Variants in WWOX observed in about 807,000 individuals in gnomAD.
WWOX encodes the protein WW domain-containing oxidoreductase.
WWOX carries 69 observed loss-of-function variants against 46.2 expected under a neutral mutation model. The observed-to-expected ratio is 1.49, with a 90% CI of 1.23 to 1.82. The LOEUF (loss-of-function observed/expected upper bound fraction) is 1.82, where lower values mean the gene tolerates loss of function less well. Among genes scored for constraint, WWOX ranks in the 40% most tolerant of loss-of-function variants. The probability of loss-of-function intolerance (pLI) is 0.00; values close to 1 mark genes in which losing one functional copy is unlikely to be tolerated. For synonymous variants in WWOX, 359 were observed against 202.6 expected, an observed-to-expected ratio of 1.77 and a Z score of -6.56; for missense variants, 919 against 542.6, an observed-to-expected ratio of 1.69 and a Z score of -6.89.
At chr16:78,617,994 T>G (rs1359616032) in intron 8 of WWOX, among the ~76,000 whole-genome samples, 1 of 152,204 alleles carries the variant, frequency 6.6e-6, no homozygotes, top group Admixed American at 6.5e-5. Context: ...TGTTAACAAT[T>G]AGTGTTTATT....
chr16:78,473,472 G>A lies in WWOX; in HGVS notation c.1056+40720G>A, dbSNP rs532691542. Among the ~76,000 whole-genome samples, 5 of 152,264 alleles carry A rather than the reference G, an allele frequency of 3.3e-5. No individual in the cohort carries two copies. The East Asian group carries it at 5.8e-4, about 18-fold the overall frequency. On this transcript the variant is annotated intron_variant, in intron 8 of 8. Coordinates refer to ENST00000566780, the MANE Select transcript of WWOX (RefSeq NM_016373.4). Reference sequence around the variant, plus strand: ...ACAAGGGAAGAGTTAACTGATTGCAGCAGGTTAGAGCACAGCATGAAGAGC... The same window carrying A: ...ACAAGGGAAGAGTTAACTGATTGCAACAGGTTAGAGCACAGCATGAAGAGC...
At chr16:78,674,609 A>AT (rs1004467788) in intron 8 of WWOX, among the ~76,000 whole-genome samples, 5 of 151,816 alleles carry the variant, frequency 3.3e-5, no homozygotes, top group African/African-American at 1.2e-4. Context: ...TACTCTTATT[A>AT]TTTTCTCCTA....
intron 8 of WWOX, among the ~76,000 whole-genome samples, chr16:78,494,928 T>C (rs572646268): frequency 3.3e-5 from 5 of 152,132 alleles, no homozygotes; most frequent in Non-Finnish European, 7.3e-5. Flanking sequence ...TATTTCCTCT[T>C]TCGGTACTTT....
At chr16:78,960,589 G>C (rs1228603238) in intron 8 of WWOX, among the ~76,000 whole-genome samples, 1 of 152,200 alleles carries the variant, frequency 6.6e-6, no homozygotes, top group Non-Finnish European at 1.5e-5. Context: ...GTCAGGCATG[G>C]AACAGATCCA....
chr16:78,359,291 A>G (rs755101875), intron 5 of WWOX, among the ~76,000 whole-genome samples: 10 of 152,196 alleles, frequency 6.6e-5, no homozygotes, highest in Non-Finnish European at 1.3e-4. Flanking sequence ...AGTTTTAAAT[A>G]AGTTTTGAAC....
At chr16:78,631,868 T>C (rs2046440014) in intron 8 of WWOX, among the ~76,000 whole-genome samples, 1 of 152,200 alleles carries the variant, frequency 6.6e-6, no homozygotes, top group Non-Finnish European at 1.5e-5. Flanking sequence ...AGAAGCTTGC[T>C]CTCTTTTTAT....
chr16:78,575,019 ATAAATATATATATATATATATAT>A (rs2044822481), intron 8 of WWOX, among the ~76,000 whole-genome samples: 1 of 12,784 alleles, frequency 7.8e-5, no homozygotes, highest in African/African-American at 5.5e-4. Context: ...ATATATATAT[ATAAATATATATATATATATATAT>A]ATATATATAT....
chr16:78,881,289 C>T (rs796273216), intron 8 of WWOX, among the ~76,000 whole-genome samples: 3 of 152,294 alleles, frequency 2.0e-5, no homozygotes, highest in African/African-American at 7.2e-5. Flanking sequence ...CAGGCATGAG[C>T]CACTGTGCCT....
At chr16:79,071,752 G>A (rs771734943) in intron 8 of WWOX, among the ~76,000 whole-genome samples, 3 of 152,210 alleles carry the variant, frequency 2.0e-5, no homozygotes, top group African/African-American at 7.2e-5. Context: ...TAATTGATCT[G>A]TTGGCCTAAA....
chr16:78,373,042 T>C (rs936889186), intron 5 of WWOX, among the ~76,000 whole-genome samples: 1 of 152,212 alleles, frequency 6.6e-6, no homozygotes. Context: ...CAATTGACTT[T>C]TTCAACTCTG....
At chr16:79,061,868 G>A (rs1253892842) in intron 8 of WWOX, among the ~76,000 whole-genome samples, 2 of 152,138 alleles carry the variant, frequency 1.3e-5, no homozygotes, top group Non-Finnish European at 2.9e-5. Context: ...AGCCTTACTT[G>A]GTAGACACTA....
intron 8 of WWOX, among the ~76,000 whole-genome samples, chr16:78,861,153 CCTCT>C (rs1401776048): frequency 2.0e-5 from 3 of 152,032 alleles, no homozygotes; most frequent in African/African-American, 7.3e-5. Flanking sequence ...GCCTTTCCTC[CCTCT>C]CTCTCTTTCT....
intron 5 of WWOX, among the ~76,000 whole-genome samples, chr16:78,357,600 T>C (rs8054349): frequency 0.09 from 13,681 of 152,256 alleles, 905 homozygotes; most frequent in African/African-American, 0.19. Context: ...TATTCTATGC[T>C]AAACATTTCC....
At chr16:79,156,104 T>A (rs2050376462) in intron 8 of WWOX, among the ~76,000 whole-genome samples, 1 of 152,178 alleles carries the variant, frequency 6.6e-6, no homozygotes, top group South Asian at 2.1e-4. Flanking sequence ...TCACTACTCA[T>A]AGGCCCATCT....
At chr16:78,648,231 C>T (rs1340364519) in intron 8 of WWOX, among the ~76,000 whole-genome samples, 3 of 152,156 alleles carry the variant, frequency 2.0e-5, no homozygotes, top group Non-Finnish European at 4.4e-5. Flanking sequence ...TCATGCATAT[C>T]CCTATACAAA....
intron 8 of WWOX, among the ~76,000 whole-genome samples, chr16:78,524,270 C>G (rs2043409982): frequency 6.6e-6 from 1 of 152,148 alleles, no homozygotes; most frequent in Admixed American, 6.5e-5. Context: ...GCAGACACAG[C>G]CATGATGAGC....
chr16:79,087,175 T>C (rs2048869132), intron 8 of WWOX, among the ~76,000 whole-genome samples: 1 of 152,168 alleles, frequency 6.6e-6, no homozygotes, highest in Non-Finnish European at 1.5e-5. Context: ...TATGGAACAG[T>C]CTGGGGGAAA....
intron 8 of WWOX, among the ~76,000 whole-genome samples, chr16:78,803,765 G>T (rs1434629808): frequency 6.6e-6 from 1 of 152,094 alleles, no homozygotes; most frequent in South Asian, 2.1e-4. Context: ...AGCCTAAATG[G>T]CATTCTTGGA....
At chr16:78,929,630 C>G (rs1239797246) in intron 8 of WWOX, among the ~76,000 whole-genome samples, 1 of 152,108 alleles carries the variant, frequency 6.6e-6, no homozygotes, top group Non-Finnish European at 1.5e-5. Context: ...GGCCCTGCTT[C>G]TATTTCTGGG....
Sources: gnomAD v4.1 joint callset for allele counts (sites outside exome capture counted in the v4.1 genomes callset) on GRCh38, gnomAD v4.1.1 for gene constraint, MANE v1.5 for transcripts, NCBI Gene and HGNC (gene_info 2026-07-23, HGNC 2026-07-21) for gene names.